NBAS: variants seen among roughly 807,000 people sequenced by gnomAD.
NBAS encodes the protein NAG/BC035112 fusion.
Under a neutral mutation model 302.5 loss-of-function variants are expected in NBAS, and 219 were observed. That is an observed-to-expected ratio of 0.72 (90% CI 0.65 to 0.81). The LOEUF is 0.81. NBAS is among the 30% of genes least tolerant of loss of function. The pLI, the probability that NBAS is intolerant of heterozygous loss-of-function variation, is 0.00. For synonymous variants in NBAS, 1,118 were observed against 1,021.6 expected (o/e 1.09, Z -1.80); for missense variants, 2,932 against 2,841.6 (o/e 1.03, Z -0.72).
chr2:15,308,925 C>T lies in NBAS; in HGVS notation c.4659+246G>A, dbSNP rs189966254. 2.6e-3 allele frequency among the ~76,000 whole-genome samples: 391 copies of T among 152,164 alleles called. 1 individual carries two copies. Among genetic ancestry groups the T allele is most frequent in the Non-Finnish European group, 3.3e-3 (222 of 68,020 alleles). Reference sequence around the variant, plus strand: ...GGGAGATATACCTAATGCTAGATGACGAGTTAGTGGGTGCAGCGCACCAGC... The same window carrying T: ...GGGAGATATACCTAATGCTAGATGATGAGTTAGTGGGTGCAGCGCACCAGC... On this transcript the variant is annotated intron_variant, in intron 39 of 51. Transcript: ENST00000281513.
the NBAS span, among the ~76,000 whole-genome samples, chr2:14,899,550 A>G: frequency 6.6e-6 from 1 of 152,196 alleles, no homozygotes. Context: ...CCATTTAACT[A>G]GCAACTGTGT....
the NBAS span, among the ~76,000 whole-genome samples, chr2:15,118,067 A>C: frequency 6.6e-6 from 1 of 152,142 alleles, no homozygotes; most frequent in South Asian, 2.1e-4. Context: ...AAAAGAAACA[A>C]TTTGTTATTG....
At chr2:15,084,130 C>G in the NBAS span, among the ~76,000 whole-genome samples, 2 of 152,032 alleles carry the variant, frequency 1.3e-5, no homozygotes, top group Admixed American at 6.6e-5. Flanking sequence ...AGGTTAACTG[C>G]AGCCTTGACC....
At chr2:15,475,576 C>T (rs1680152789) in intron 14 of NBAS, 111 bp downstream of exon 14, 2 of 1,142,994 alleles carry the variant, frequency 1.7e-6, no homozygotes, top group East Asian at 2.6e-5. Flanking sequence ...ATTCCAATCA[C>T]AGATTTTTAT....
chr2:14,804,768 G>A, the NBAS span, among the ~76,000 whole-genome samples: 1 of 152,184 alleles, frequency 6.6e-6, no homozygotes, highest in African/African-American at 2.4e-5. Flanking sequence ...AAATAATTCA[G>A]ATAGGTGTAT....
chr2:15,367,262 T>C (rs958002253), intron 31 of NBAS, among the ~76,000 whole-genome samples: 1 of 151,862 alleles, frequency 6.6e-6, no homozygotes, highest in African/African-American at 2.4e-5. Context: ...ATTCAAACTA[T>C]AAAGAAATGA....
intron 51 of NBAS, among the ~76,000 whole-genome samples, chr2:15,176,728 T>G (rs950450529): frequency 7.9e-5 from 12 of 152,198 alleles, no homozygotes; most frequent in Admixed American, 4.6e-4. Context: ...GAATGTCATG[T>G]TGGTGTTCAA....
At chr2:14,873,218 G>A in the NBAS span, among the ~76,000 whole-genome samples, 14 of 151,944 alleles carry the variant, frequency 9.2e-5, no homozygotes, top group Non-Finnish European at 1.6e-4. Context: ...GCTGATTGGT[G>A]CATTTACAAA....
intron 9 of NBAS, among the ~76,000 whole-genome samples, chr2:15,523,640 G>A (rs566343034): frequency 2.6e-5 from 4 of 152,272 alleles, no homozygotes; most frequent in African/African-American, 7.2e-5. Context: ...TAGGCCAGGC[G>A]CAGTGGCTCA....
the NBAS span, among the ~76,000 whole-genome samples, chr2:14,810,943 T>C: frequency 1.1e-4 from 16 of 152,174 alleles, no homozygotes; most frequent in Non-Finnish European, 1.6e-4. Context: ...AGCAGAAAGA[T>C]TAAGCTACCA....
intron 48 of NBAS, among the ~76,000 whole-genome samples, chr2:15,216,011 T>C (rs2147876227): frequency 6.6e-6 from 1 of 152,344 alleles, no homozygotes; most frequent in Non-Finnish European, 1.5e-5. Context: ...ACTTCTGCAT[T>C]CACTCACCAA....
chr2:15,356,364 C>T lies in NBAS; in HGVS notation c.3870G>A (p.Gln1290=), dbSNP rs745310356. 3.7e-6 allele frequency: 6 copies of T among 1,613,916 alleles called. No individual in the cohort carries two copies. The South Asian group carries it at 6.6e-5, about 18-fold the overall frequency. The change falls in exon 33 of 52, where the codon CAG becomes CAA. Residue 1290 remains glutamine, a synonymous_variant. Transcript: ENST00000281513. ...CTTTGTAGTCATGGAAGCGAAGTGC[C>T]TGCTCCACTAAAAGGATTAGAACCT... ...RGQVLILLVE[Q]ALRFHDYKAA...
intron 21 of NBAS, among the ~76,000 whole-genome samples, chr2:15,440,731 C>T (rs1007832042): frequency 7.9e-5 from 12 of 151,996 alleles, no homozygotes; most frequent in Non-Finnish European, 1.5e-5. Flanking sequence ...AAATTCAAAC[C>T]AAAGGCAAAG....
At chr2:15,311,162 G>C (rs1027141093) in intron 38 of NBAS, among the ~76,000 whole-genome samples, 1 of 152,162 alleles carries the variant, frequency 6.6e-6, no homozygotes, top group Admixed American at 6.5e-5. Flanking sequence ...AATAATCAAA[G>C]ACATTAATAT....
At chr2:15,125,788 G>A in the NBAS span, among the ~76,000 whole-genome samples, 2 of 152,166 alleles carry the variant, frequency 1.3e-5, no homozygotes, top group African/African-American at 4.8e-5. Context: ...TAAGTAATTT[G>A]GTTTTGATTT....
chr2:15,558,028 C>A (rs1467281618), intron 2 of NBAS, among the ~76,000 whole-genome samples: 1 of 152,210 alleles, frequency 6.6e-6, no homozygotes, highest in Non-Finnish European at 1.5e-5. Flanking sequence ...CATCCACTGA[C>A]TTTCTGAGAC....
intron 9 of NBAS, among the ~76,000 whole-genome samples, chr2:15,532,657 G>C (rs1053588109): frequency 3.3e-5 from 5 of 151,948 alleles, no homozygotes; most frequent in Non-Finnish European, 5.9e-5. Context: ...TTGGAATCAA[G>C]AAGTACAATG....
the NBAS span, among the ~76,000 whole-genome samples, chr2:15,139,009 T>G: frequency 1.4e-4 from 22 of 152,250 alleles, no homozygotes; most frequent in African/African-American, 4.6e-4. Context: ...TTCTGCTGAT[T>G]TTTTGTTTGT....
the NBAS span, among the ~76,000 whole-genome samples, chr2:14,832,257 C>G: frequency 6.6e-6 from 1 of 152,186 alleles, no homozygotes; most frequent in Non-Finnish European, 1.5e-5. Flanking sequence ...AGCAAAAGGA[C>G]AGACCCCTAT....
Sources: gnomAD v4.1 joint callset for allele counts (sites outside exome capture counted in the v4.1 genomes callset) on GRCh38, gnomAD v4.1.1 for gene constraint, MANE v1.5 for transcripts, NCBI Gene and HGNC (gene_info 2026-07-23, HGNC 2026-07-21) for gene names.